The following CASZ1 variants were observed in gnomAD, a reference collection of about 807,000 sequenced individuals.
The protein encoded by CASZ1 is castor zinc finger 1.
CASZ1 carries 28 observed loss-of-function variants against 135.2 expected under a neutral mutation model. The ratio of observed to expected loss-of-function variants is 0.21; its 90% CI spans 0.15 to 0.28. The LOEUF (loss-of-function observed/expected upper bound fraction) is 0.28. CASZ1 is among the 10% of genes least tolerant of loss of function. The pLI is 1.00. For missense variants in CASZ1, 2,161 were observed against 2,453.3 expected, an observed-to-expected ratio of 0.88 and a Z score of 2.52; for synonymous variants, 1,068 against 1,073.4, an observed-to-expected ratio of 0.99 and a Z score of 0.10.
chr1:10,713,255 T>G (rs1205204622), intron 2 of CASZ1, among the ~76,000 whole-genome samples: 1 of 152,248 alleles, frequency 6.6e-6, no homozygotes, highest in Admixed American at 6.5e-5. Context: ...GGCAATCATG[T>G]GCCGCTCCCA....
intron 4 of CASZ1, among the ~76,000 whole-genome samples, chr1:10,682,503 G>A (rs1638457865): frequency 6.6e-6 from 1 of 152,128 alleles, no homozygotes; most frequent in Non-Finnish European, 1.5e-5. Flanking sequence ...GAAGTTGAGT[G>A]GGGAAGAGGG....
At position 10,638,274 on chromosome 1, in the gene CASZ1, T is replaced by TCTGG. The variant is rs1250509555; in HGVS notation, c.*664_*667dup. 6.6e-6 allele frequency: 1 copy of TCTGG among 151,196 alleles called. No individual in the cohort carries two copies. Among genetic ancestry groups the TCTGG allele is most frequent in the Non-Finnish European group, 1.5e-5 (1 of 67,714 alleles). The allele number at this position is 151,196 out of a possible 1,614,324, so 9.4% of individuals were successfully genotyped here. On this transcript the variant is annotated 3_prime_UTR_variant, in exon 21 of 21. Coordinates refer to ENST00000377022, the MANE Select transcript of CASZ1 (RefSeq NM_001079843.3). This position sits in a 1 kb window ranked among gnomAD's most constrained non-coding sequence, Gnocchi z 5.9. ...CCCGCCCCGGCCCCCAGCGGGCTACTCTGGGTTTTGGACGCAGCCTCGGTT... is the reference window on the plus strand; with the variant it reads ...CCCGCCCCGGCCCCCAGCGGGCTACTCTGGCTGGGTTTTGGACGCAGCCTCGGTT...
Position 10,666,623 on chromosome 1 carries a change from C to T in CASZ1, c.17-1052G>A, listed in dbSNP as rs1445115393. ...AATGTGACAGCCCGACACACACAGC[C>T]GGAAGGAAGCCCTCATGAGGCGACT... On this transcript the variant is annotated intron_variant, in intron 4 of 20. Transcript: ENST00000377022. This position sits in a 1 kb window ranked among gnomAD's most constrained non-coding sequence, Gnocchi z 5.2. 6.6e-6 allele frequency among the ~76,000 whole-genome samples: 1 copy of T among 152,138 alleles called. No homozygotes were observed. Among genetic ancestry groups the T allele is most frequent in the Non-Finnish European group, 1.5e-5 (1 of 68,024 alleles).
rs561655948 is a variant in CASZ1 at position 10,701,927 on chromosome 1, G to A, written c.-24+3565C>T. Among the ~76,000 whole-genome samples, 4 of 152,304 alleles carry A rather than the reference G, an allele frequency of 2.6e-5. No homozygotes were observed. The highest frequency in any genetic ancestry group is 4.1e-4 in the South Asian group (2 of 4,824). On this transcript the variant is annotated intron_variant, in intron 3 of 20. Transcript: ENST00000377022. The surrounding 1 kb of genome is among the most constrained non-coding windows in gnomAD (Gnocchi z 6.3). ...CTCCACCTCCCCCGGCCCATCCCCC[G>A]TTGGGCTGAGCCATCCTGCCTACTG...
chr1:10,688,782 C>T (rs1302553253), intron 4 of CASZ1, among the ~76,000 whole-genome samples: 1 of 152,186 alleles, frequency 6.6e-6, no homozygotes, highest in African/African-American at 2.4e-5. Flanking sequence ...GCTAGACCAC[C>T]AAGCTGCTGC....
At chr1:10,702,939 T>C (rs1025416564) in intron 3 of CASZ1, among the ~76,000 whole-genome samples, 28 of 147,700 alleles carry the variant, frequency 1.9e-4, no homozygotes, top group African/African-American at 6.9e-4. Flanking sequence ...TCCGAGTAGA[T>C]GAAAAGGAGA....
rs201885801 is a variant in CASZ1 at position 10,647,770 on chromosome 1, C to T, written c.3497+31G>A. ...ACCTACTCCCGAGACGCGAGGGGAA[C>T]GCGGGACTCCCGGCTCATCGAGGGA... On this transcript the variant is annotated intron_variant, in intron 16 of 20. Coordinates refer to ENST00000377022, the MANE Select transcript of CASZ1 (RefSeq NM_001079843.3). The surrounding 1 kb of genome is among the most constrained non-coding windows in gnomAD (Gnocchi z 4.9). The T allele has an allele frequency of 2.5e-5, 40 of 1,611,966 alleles. No individual in the cohort carries two copies. The highest frequency in any genetic ancestry group is 2.0e-4 in the African/African-American group (15 of 75,064).
At chr1:10,716,737 A>C (rs1639401388) in intron 2 of CASZ1, among the ~76,000 whole-genome samples, 1 of 152,198 alleles carries the variant, frequency 6.6e-6, no homozygotes, top group Non-Finnish European at 1.5e-5. Flanking sequence ...GGCAGGTAGC[A>C]CAGAAAGTCC....
At chr1:10,795,427 G>A (rs903613994) in intron 1 of CASZ1, among the ~76,000 whole-genome samples, 2 of 152,112 alleles carry the variant, frequency 1.3e-5, no homozygotes, top group African/African-American at 4.8e-5. Context: ...GTTGAGCTCC[G>A]AGGTCACCCT....
intron 1 of CASZ1, among the ~76,000 whole-genome samples, chr1:10,789,863 A>C (rs2100631746): frequency 6.6e-6 from 1 of 152,354 alleles, no homozygotes; most frequent in Non-Finnish European, 1.5e-5. Flanking sequence ...AAACCTCGTT[A>C]ACGTGCAGCT....
At chr1:10,644,829 C>T (rs1320956510) in intron 18 of CASZ1, 88 bp downstream of exon 18, 21 of 1,382,868 alleles carry the variant, frequency 1.5e-5, no homozygotes, top group South Asian at 1.2e-4. Flanking sequence ...GAACAGGACG[C>T]GGGTACCAGG....
intron 5 of CASZ1, among the ~76,000 whole-genome samples, chr1:10,662,479 CAT>C (rs1420096031): frequency 6.6e-6 from 1 of 152,030 alleles, no homozygotes; most frequent in Non-Finnish European, 1.5e-5. Flanking sequence ...TATGCACACA[CAT>C]GCCATCACAT....
At chr1:10,645,457 G>T (rs1205163203) in intron 17 of CASZ1, among the ~76,000 whole-genome samples, 1 of 152,188 alleles carries the variant, frequency 6.6e-6, no homozygotes, top group Non-Finnish European at 1.5e-5. Flanking sequence ...GTGAACCCGG[G>T]AGGCAGAGCT....
rs189618572 is a variant in CASZ1, at chr1:10,773,643, C to T, written c.-233-12786G>A. 1.4e-3 allele frequency among the ~76,000 whole-genome samples: 220 copies of T among 152,052 alleles called. 6 individuals are homozygous for T. The South Asian group carries it at 0.042, about 29-fold the overall frequency. ...TTCTCAGCATACTTGGCCGGGGGAA[C>T]GCATGGACCAGGCAACGGGCTCCCC... On this transcript the variant is annotated intron_variant, in intron 1 of 20. Transcript: ENST00000377022.
Position 10,751,223 on chromosome 1 carries a change from C to G in CASZ1, c.-77+9478G>C, listed in dbSNP as rs72641502. 7.2e-3 allele frequency among the ~76,000 whole-genome samples: 1,102 copies of G among 152,216 alleles called. 10 individuals are homozygous for G. The highest frequency in any genetic ancestry group is 0.011 in the Admixed American group (163 of 15,290). On this transcript the variant is annotated intron_variant, in intron 2 of 20. Transcript: ENST00000377022. The stretch of plus-strand genomic sequence containing the variant: ...AAATTATTAATCCCCAGAATCAAAA[C>G]CAGTGAGGACAGGGTGACAAGGATC...
In CASZ1 at chr1:10,788,844, C is replaced by T. The variant is rs2100629268; in HGVS notation, c.-234+7720G>A. ...GGGCTTCCTGCCCAGCCAGCAGAGG[C>T]ATCGCACAGAGGAGCCCACCAGTGG... On this transcript the variant is annotated intron_variant, in intron 1 of 20. Coordinates refer to ENST00000377022, the MANE Select transcript of CASZ1 (RefSeq NM_001079843.3). This position sits in a 1 kb window ranked among gnomAD's most constrained non-coding sequence, Gnocchi z 4.1. Among the ~76,000 whole-genome samples, 1 of 152,330 alleles carries T rather than the reference C, an allele frequency of 6.6e-6. No individual in the cohort carries two copies. The highest frequency in any genetic ancestry group is 1.9e-4 in the East Asian group (1 of 5,170).
chr1:10,678,134 C>A (rs1368482062), intron 4 of CASZ1, among the ~76,000 whole-genome samples: 1 of 152,180 alleles, frequency 6.6e-6, no homozygotes, highest in East Asian at 1.9e-4. Flanking sequence ...CAGGCCCAGC[C>A]CAGGAGAGGC....
chr1:10,747,135 C>G lies in CASZ1; in HGVS notation c.-77+13566G>C, dbSNP rs1245981814. ...AACGCAAGGTAAGCACACACAGACC[C>G]TTTGCCCCAGGAGGCTCCAGCTACT... On this transcript the variant is annotated intron_variant, in intron 2 of 20. Coordinates refer to ENST00000377022, the MANE Select transcript of CASZ1 (RefSeq NM_001079843.3). This position sits in a 1 kb window ranked among gnomAD's most constrained non-coding sequence, Gnocchi z 4.3. 6.6e-6 allele frequency among the ~76,000 whole-genome samples: 1 copy of G among 152,238 alleles called. No individual in the cohort carries two copies. Among genetic ancestry groups the G allele is most frequent in the African/African-American group, 2.4e-5 (1 of 41,458 alleles).
At chr1:10,766,540 G>T (rs1333327488) in intron 1 of CASZ1, among the ~76,000 whole-genome samples, 1 of 152,204 alleles carries the variant, frequency 6.6e-6, no homozygotes, top group Non-Finnish European at 1.5e-5. Context: ...AGCCTCAGGT[G>T]CTTCTGGCCG....
Sources: allele counts gnomAD v4.1 joint callset (sites outside exome capture counted in the v4.1 genomes callset), GRCh38; gene constraint gnomAD v4.1.1; non-coding constraint Gnocchi (gnomAD v3.1); transcripts MANE v1.5; gene names NCBI Gene and HGNC (gene_info 2026-07-23, HGNC 2026-07-21).